The following C3orf70 variants were observed in gnomAD, a reference collection of about 807,000 sequenced individuals.
The protein encoded by C3orf70 is chromosome 3 open reading frame 70.
In C3orf70, 15 loss-of-function variants were observed where a neutral mutation model predicts 20.7. The ratio of observed to expected loss-of-function variants is 0.72; its 90% CI spans 0.48 to 1.11. The LOEUF (loss-of-function observed/expected upper bound fraction) is 1.11. Ranked by LOEUF, C3orf70 falls within the 50% of genes most tolerant of loss-of-function variation. The pLI is 0.00. For synonymous variants in C3orf70, 161 were observed against 125.7 expected (o/e 1.28, Z -1.88); for missense variants, 332 against 317.6 (o/e 1.05, Z -0.34).
intron 1 of C3orf70, among the ~76,000 whole-genome samples, chr3:185,110,121 T>C (rs892249227): frequency 6.6e-6 from 1 of 152,246 alleles, no homozygotes; most frequent in African/African-American, 2.4e-5. Context: ...CAACCTCATA[T>C]GATATGGCCC....
chr3:185,083,678 G>T, intron 1 of C3orf70, 115 bp from the exon 2 acceptor site: 2 of 794,590 alleles, frequency 2.5e-6, no homozygotes, highest in African/African-American at 1.7e-5. Flanking sequence ...CACCTCAAAA[G>T]AAACTAGTAA....
intron 1 of C3orf70, among the ~76,000 whole-genome samples, chr3:185,119,095 G>T (rs563504702): frequency 6.6e-6 from 1 of 152,084 alleles, no homozygotes; most frequent in Non-Finnish European, 1.5e-5. Flanking sequence ...TCTTTAGTGG[G>T]CATAATTAAA....
chr3:185,120,923 T>C (rs947686040), intron 1 of C3orf70, among the ~76,000 whole-genome samples: 17 of 150,180 alleles, frequency 1.1e-4, no homozygotes, highest in Admixed American at 3.9e-4. Flanking sequence ...AAAAATATAC[T>C]TGAACACACG....
intron 1 of C3orf70, among the ~76,000 whole-genome samples, chr3:185,142,587 A>G (rs1716777492): frequency 6.6e-6 from 1 of 152,222 alleles, no homozygotes; most frequent in Admixed American, 6.5e-5. Flanking sequence ...TGATGCACGC[A>G]AGGATCTTCA....
At chr3:185,104,827 TAGG>T (rs1715892536) in intron 1 of C3orf70, among the ~76,000 whole-genome samples, 1 of 151,504 alleles carries the variant, frequency 6.6e-6, no homozygotes, top group African/African-American at 2.4e-5. Context: ...AGGTGGAGGG[TAGG>T]AGGAGGGAAA....
At chr3:185,140,631 C>T (rs945287865) in intron 1 of C3orf70, among the ~76,000 whole-genome samples, 3 of 151,744 alleles carry the variant, frequency 2.0e-5, no homozygotes, top group Admixed American at 2.0e-4. Context: ...GTAGAGCCCT[C>T]ATGAATGGGA....
At chr3:185,128,538 A>C (rs1037154364) in intron 1 of C3orf70, among the ~76,000 whole-genome samples, 17 of 151,950 alleles carry the variant, frequency 1.1e-4, no homozygotes, top group Non-Finnish European at 1.8e-4. Flanking sequence ...AAAAAAAAAA[A>C]AACAACAAAA....
At chr3:185,111,970 A>G (rs1716081926) in intron 1 of C3orf70, among the ~76,000 whole-genome samples, 1 of 152,212 alleles carries the variant, frequency 6.6e-6, no homozygotes, top group Non-Finnish European at 1.5e-5. Flanking sequence ...AAAGAGATAG[A>G]AAATACTTTT....
At chr3:185,109,165 CATT>C (rs1189329810) in intron 1 of C3orf70, among the ~76,000 whole-genome samples, 1 of 152,148 alleles carries the variant, frequency 6.6e-6, no homozygotes, top group Non-Finnish European at 1.5e-5. Context: ...CTGAATCTGG[CATT>C]ATTAACTTTA....
At chr3:185,124,490 G>C (rs1716368827) in intron 1 of C3orf70, among the ~76,000 whole-genome samples, 1 of 152,172 alleles carries the variant, frequency 6.6e-6, no homozygotes, top group Admixed American at 6.5e-5. Context: ...TGAAAGGATA[G>C]ACACAAATTT....
At chr3:185,120,250 C>T (rs1475787333) in intron 1 of C3orf70, among the ~76,000 whole-genome samples, 1 of 152,042 alleles carries the variant, frequency 6.6e-6, no homozygotes, top group East Asian at 1.9e-4. Flanking sequence ...TTCATTTGGT[C>T]ATTCAACAAA....
At chr3:185,119,175 C>G (rs1716241359) in intron 1 of C3orf70, among the ~76,000 whole-genome samples, 1 of 152,112 alleles carries the variant, frequency 6.6e-6, no homozygotes, top group Admixed American at 6.5e-5. Flanking sequence ...TACACATTTG[C>G]CCACATTTTA....
chr3:185,083,477 T>G lies in C3orf70; in HGVS notation c.283A>C (p.Ile95Leu), dbSNP rs199552359. 3 of 1,614,096 alleles carry G rather than the reference T, an allele frequency of 1.9e-6. No homozygotes were observed. The highest frequency in any genetic ancestry group is 4.5e-5 in the East Asian group (2 of 44,884). Residue 95 changes from isoleucine to leucine, a missense_variant, in exon 2 of 2, where the codon ATT becomes CTT. Transcript: ENST00000335012. ...PARPREPTNT[I>L]QISVSLTEHF... ...TCGGTGAGCGAGACTGAGATCTGAA[T>G]GGTGTTTGTGGGTTCCCGAGGCCTG...
intron 1 of C3orf70, among the ~76,000 whole-genome samples, chr3:185,129,739 T>C (rs1716490869): frequency 6.6e-6 from 1 of 152,238 alleles, no homozygotes; most frequent in Non-Finnish European, 1.5e-5. Context: ...CTTGACTTTT[T>C]AATAGAAGGC....
In C3orf70 at chr3:185,079,301, AAAAGT is replaced by A. The variant is rs1561319424; in HGVS notation, c.*3701_*3705del. On this transcript the variant is annotated 3_prime_UTR_variant, in exon 2 of 2. Coordinates refer to ENST00000335012, the MANE Select transcript of C3orf70 (RefSeq NM_001025266.3). ...GTCTCAAAAAAAAAAAAAAAAAAAA[AAAAGT>A]AAAGCCACCACTCCCAAGATAGAAT... 3 of 148,752 alleles carry A rather than the reference AAAAGT, an allele frequency of 2.0e-5. No individual in the cohort carries two copies. Among genetic ancestry groups the A allele is most frequent in the Non-Finnish European group, 3.0e-5 (2 of 67,046 alleles). 9.2% of individuals were successfully genotyped at this position (148,752 alleles called of 1,614,324 possible).
intron 1 of C3orf70, among the ~76,000 whole-genome samples, chr3:185,135,450 G>C (rs1446232077): frequency 6.6e-6 from 1 of 152,082 alleles, no homozygotes; most frequent in Non-Finnish European, 1.5e-5. Context: ...ATGAAACCCT[G>C]TCTCTACTAA....
At chr3:185,096,275 G>A (rs532137017) in intron 1 of C3orf70, among the ~76,000 whole-genome samples, 1 of 152,240 alleles carries the variant, frequency 6.6e-6, no homozygotes, top group African/African-American at 2.4e-5. Flanking sequence ...CAGGTAACTA[G>A]TGTGTCTACT....
intron 1 of C3orf70, among the ~76,000 whole-genome samples, chr3:185,132,700 C>G (rs980220298): frequency 6.6e-6 from 1 of 152,100 alleles, no homozygotes; most frequent in Non-Finnish European, 1.5e-5. Flanking sequence ...GGGGAAAGGA[C>G]AGTATTTGAA....
intron 1 of C3orf70, among the ~76,000 whole-genome samples, chr3:185,098,189 T>C (rs1715749617): frequency 1.3e-5 from 2 of 152,222 alleles, no homozygotes; most frequent in African/African-American, 4.8e-5. Context: ...ACAGCTGTTC[T>C]GGATATGCCT....
Sources: allele counts gnomAD v4.1 joint callset (sites outside exome capture counted in the v4.1 genomes callset), GRCh38; gene constraint gnomAD v4.1.1; transcripts MANE v1.5; gene names NCBI Gene and HGNC (gene_info 2026-07-23, HGNC 2026-07-21).